The following SLC25A24 variants were observed in gnomAD, a reference collection of about 807,000 sequenced individuals.
SLC25A24 encodes mitochondrial adenyl nucleotide antiporter SLC25A24.
SLC25A24 carries 49 observed loss-of-function variants against 60.7 expected under a neutral mutation model. The ratio of observed to expected loss-of-function variants is 0.81; its 90% CI spans 0.64 to 1.02. The LOEUF is 1.02. SLC25A24 is among the 50% of genes least tolerant of loss of function. The pLI is 0.00. For missense variants in SLC25A24, 564 were observed against 586.3 expected, an observed-to-expected ratio of 0.96 and a Z score of 0.39; for synonymous variants, 202 against 200.6, an observed-to-expected ratio of 1.01 and a Z score of -0.06.
rs765813497 is a variant in SLC25A24, at chr1:108,136,846, T to TA, written c.1250-10dup. 6.6e-4 allele frequency: 1,063 copies of TA among 1,603,742 alleles called. 1 individual carries two copies. The highest frequency in any genetic ancestry group is 8.6e-4 in the Non-Finnish European group (1,006 of 1,176,340). ...GGAACCTTCTAACATGGCTAAAAAA[T>TA]AAAAAAAGAGGGTAATTTAATATTC... On this transcript the variant is annotated splice_polypyrimidine_tract_variant and intron_variant, in intron 9 of 9. Coordinates refer to ENST00000565488, the MANE Select transcript of SLC25A24 (RefSeq NM_013386.5).
intron 1 of SLC25A24, chr1:108,199,080 G>T (rs1388109629): frequency 6.6e-6 from 1 of 152,106 alleles, no homozygotes; most frequent in Non-Finnish European, 1.5e-5. Context: ...GACAGAACAG[G>T]CAGTTTCAAA....
At chr1:108,174,129 C>A (rs568112570) in intron 3 of SLC25A24, among the ~76,000 whole-genome samples, 3 of 152,198 alleles carry the variant, frequency 2.0e-5, no homozygotes, top group African/African-American at 7.2e-5. Flanking sequence ...ATCACTAAGA[C>A]AATGGGGAAA....
intron 4 of SLC25A24, among the ~76,000 whole-genome samples, chr1:108,159,916 T>C (rs829003): frequency 0.7 from 104,907 of 149,248 alleles, 37,338 homozygotes; most frequent in African/African-American, 0.81. Context: ...TTCCCCACCT[T>C]TCCCCTTTTT....
In SLC25A24 at chr1:108,148,157, C is replaced by G. The variant is rs1679658137; in HGVS notation, c.930+122G>C. On this transcript the variant is annotated intron_variant, in intron 7 of 9. Transcript: ENST00000565488. The stretch of plus-strand genomic sequence containing the variant: ...CTAAGCTGCTTCCAGATTCCTGACC[C>G]AGAGAAACTGTGCGATGATAAATGC... 10 of 707,000 alleles carry G rather than the reference C, an allele frequency of 1.4e-5. No homozygotes were observed. The South Asian group carries it at 1.7e-4, about 12-fold the overall frequency. The allele number at this position is 707,000 out of a possible 1,614,324, so 43.8% of individuals were successfully genotyped here.
intron 8 of SLC25A24, 36 bp downstream of exon 8, chr1:108,143,506 CT>C (rs755641110): frequency 6.4e-7 from 1 of 1,564,038 alleles, no homozygotes; most frequent in African/African-American, 1.4e-5. Context: ...CAAGATCTAA[CT>C]GCATTTTCCA....
intron 3 of SLC25A24, among the ~76,000 whole-genome samples, chr1:108,168,711 A>G (rs1204275082): frequency 6.6e-6 from 1 of 152,046 alleles, no homozygotes; most frequent in African/African-American, 2.4e-5. Flanking sequence ...TCTTTTTCTT[A>G]TTTACATAGT....
At chr1:108,150,147 C>G (rs1037073249) in intron 6 of SLC25A24, among the ~76,000 whole-genome samples, 1 of 152,092 alleles carries the variant, frequency 6.6e-6, no homozygotes, top group African/African-American at 2.4e-5. Flanking sequence ...TTGAAGGTAC[C>G]TTTTATACCT....
chr1:108,197,854 T>C (rs541786386), intron 1 of SLC25A24, among the ~76,000 whole-genome samples: 48 of 152,304 alleles, frequency 3.2e-4, no homozygotes, highest in African/African-American at 1.1e-3. Flanking sequence ...TGTGGCCGTG[T>C]TGGGAGGAGG....
intron 2 of SLC25A24, among the ~76,000 whole-genome samples, chr1:108,184,964 G>A (rs1648065487): frequency 6.6e-6 from 1 of 152,118 alleles, no homozygotes; most frequent in African/African-American, 2.4e-5. Context: ...CCTGTTAAAG[G>A]TTACCTCTAG....
In SLC25A24 at chr1:108,139,379, G is replaced by C. The variant is rs998678372; in HGVS notation, c.1099-171C>G. Reference sequence around the variant, plus strand: ...CGGTGACTCTGTGGAGAGGTGGGAGGCCACTGGGGGTGCGGAACACATGAG... The same window carrying C: ...CGGTGACTCTGTGGAGAGGTGGGAGCCCACTGGGGGTGCGGAACACATGAG... On this transcript the variant is annotated intron_variant, in intron 8 of 9. Transcript: ENST00000565488. 7.2e-5 allele frequency among the ~76,000 whole-genome samples: 11 copies of C among 152,206 alleles called. No homozygotes were observed. The South Asian group carries it at 2.3e-3, about 31-fold the overall frequency.
rs1438550228 is a variant in SLC25A24, at chr1:108,164,262, T to C, written c.399-2969A>G. ...ATTGGTCTAAAATTCTCTTTTTTTG[T>C]TGTGTCTCTGCCTGGCTTTGGTATC... On this transcript the variant is annotated intron_variant, in intron 3 of 9. Coordinates refer to ENST00000565488, the MANE Select transcript of SLC25A24 (RefSeq NM_013386.5). 2.8e-5 allele frequency among the ~76,000 whole-genome samples: 4 copies of C among 143,602 alleles called. No homozygotes were observed. The Admixed American group carries it at 2.8e-4, about 10-fold the overall frequency. The allele number at this position is 143,602 out of a possible 152,430, so 94.2% of individuals were successfully genotyped here.
At chr1:108,174,154 C>T (rs1162499465) in intron 3 of SLC25A24, among the ~76,000 whole-genome samples, 1 of 152,196 alleles carries the variant, frequency 6.6e-6, no homozygotes, top group East Asian at 1.9e-4. Flanking sequence ...CTCCAGGGCA[C>T]TTCAGAGGTC....
intron 1 of SLC25A24, among the ~76,000 whole-genome samples, chr1:108,198,070 T>C (rs1034400215): frequency 4.6e-5 from 7 of 152,192 alleles, no homozygotes; most frequent in Non-Finnish European, 7.3e-5. Context: ...CCACTTTGAC[T>C]TTCCACCATG....
In SLC25A24 at chr1:108,136,553, C is replaced by G; in HGVS notation, c.*100G>C. On this transcript the variant is annotated 3_prime_UTR_variant, in exon 10 of 10. Coordinates refer to ENST00000565488, the MANE Select transcript of SLC25A24 (RefSeq NM_013386.5). ...CATCTTCCCTTTTGTGAAAAAAATGCAGCTTCTTTTGCCATAGACTTGTTT... is the reference window on the plus strand; with the variant it reads ...CATCTTCCCTTTTGTGAAAAAAATGGAGCTTCTTTTGCCATAGACTTGTTT... The G allele has an allele frequency of 9.9e-7, 1 of 1,012,364 alleles. No homozygotes were observed. 62.7% of individuals were successfully genotyped at this position (1,012,364 alleles called of 1,614,324 possible).
rs1170769731 is a variant in SLC25A24, at chr1:108,136,979, T to C, written c.1250-142A>G. The stretch of plus-strand genomic sequence containing the variant: ...CAAGAAGCCCAAGACAACATCCCTT[T>C]TATGATCCTCTTTGTATAGCACCTA... On this transcript the variant is annotated intron_variant, in intron 9 of 9. Coordinates refer to ENST00000565488, the MANE Select transcript of SLC25A24 (RefSeq NM_013386.5). 3.3e-5 allele frequency: 25 copies of C among 757,864 alleles called. No homozygotes were observed. The East Asian group carries it at 6.7e-4, about 20-fold the overall frequency. 46.9% of individuals were successfully genotyped at this position (757,864 alleles called of 1,614,324 possible).
intron 8 of SLC25A24, among the ~76,000 whole-genome samples, chr1:108,141,884 C>T (rs1199204426): frequency 6.6e-6 from 1 of 152,020 alleles, no homozygotes; most frequent in Non-Finnish European, 1.5e-5. Flanking sequence ...TGTTTAATGA[C>T]TATAGAGTTT....
intron 1 of SLC25A24, among the ~76,000 whole-genome samples, chr1:108,193,472 G>C (rs1648408882): frequency 7.2e-6 from 1 of 139,552 alleles, no homozygotes; most frequent in Non-Finnish European, 1.6e-5. Flanking sequence ...TTAAGTTATT[G>C]GCTTCCAGCT....
chr1:108,164,127 TC>T (rs1456567624), intron 3 of SLC25A24, among the ~76,000 whole-genome samples: 3 of 152,034 alleles, frequency 2.0e-5, no homozygotes, highest in Non-Finnish European at 4.4e-5. Context: ...CAGCCTTGCA[TC>T]CCAGGGATGA....
chr1:108,143,769 C>T, intron 7 of SLC25A24, 59 bp from the exon 8 acceptor site: 1 of 1,325,998 alleles, frequency 7.5e-7, no homozygotes, highest in Non-Finnish European at 1.1e-6. Flanking sequence ...TCATGGGATT[C>T]AAATGAAGTA....
Sources: gnomAD v4.1 joint callset for allele counts (sites outside exome capture counted in the v4.1 genomes callset) on GRCh38, gnomAD v4.1.1 for gene constraint, MANE v1.5 for transcripts, NCBI Gene and HGNC (gene_info 2026-07-23, HGNC 2026-07-21) for gene names.